SEZ6L: variants seen among roughly 807,000 people sequenced by gnomAD.
SEZ6L encodes seizure 6-like protein.
Under a neutral mutation model 106.2 loss-of-function variants are expected in SEZ6L, and 37 were observed. The ratio of observed to expected loss-of-function variants is 0.35; its 90% CI spans 0.27 to 0.46. The LOEUF (loss-of-function observed/expected upper bound fraction) is 0.46. Among genes scored for constraint, SEZ6L ranks in the 20% least tolerant of loss-of-function variants. The pLI, the probability that SEZ6L is intolerant of heterozygous loss-of-function variation, is 1.00. For missense variants in SEZ6L, 1,172 were observed against 1,332.8 expected, an observed-to-expected ratio of 0.88 and a Z score of 1.88; for synonymous variants, 541 against 570.4, an observed-to-expected ratio of 0.95 and a Z score of 0.73.
intron 1 of SEZ6L, among the ~76,000 whole-genome samples, chr22:26,230,583 G>C (rs2145744033): frequency 6.6e-6 from 1 of 152,324 alleles, no homozygotes; most frequent in South Asian, 2.1e-4. Context: ...TAGATAAACA[G>C]AAAGTGCTGC....
intron 1 of SEZ6L, among the ~76,000 whole-genome samples, chr22:26,290,980 G>A (rs548012275): frequency 6.6e-6 from 1 of 152,326 alleles, no homozygotes; most frequent in East Asian, 1.9e-4. Context: ...TACACTGTTG[G>A]TGGGAATGTA....
intron 1 of SEZ6L, among the ~76,000 whole-genome samples, chr22:26,269,253 T>C (rs1423417005): frequency 6.6e-6 from 1 of 152,196 alleles, no homozygotes; most frequent in Admixed American, 6.5e-5. Flanking sequence ...TGCTCCCACC[T>C]ACATCAGTGG....
chr22:26,233,121 C>T (rs993704142), intron 1 of SEZ6L, among the ~76,000 whole-genome samples: 1 of 152,258 alleles, frequency 6.6e-6, no homozygotes, highest in African/African-American at 2.4e-5. Context: ...TTTTCTCTCA[C>T]AGCAATCGTC....
chr22:26,191,511 C>T (rs1731248354), intron 1 of SEZ6L, among the ~76,000 whole-genome samples: 1 of 149,526 alleles, frequency 6.7e-6, no homozygotes, highest in Admixed American at 6.7e-5. Flanking sequence ...TGCATGCTCT[C>T]ACTTGTAAGT....
At chr22:26,233,670 C>T (rs78885674) in intron 1 of SEZ6L, among the ~76,000 whole-genome samples, 23,173 of 152,186 alleles carry the variant, frequency 0.15, 1,983 homozygotes, top group Middle Eastern at 0.21. Context: ...TTATTGAGCA[C>T]GTACTACATG....
At chr22:26,177,097 G>A (rs1356418571) in intron 1 of SEZ6L, among the ~76,000 whole-genome samples, 1 of 152,112 alleles carries the variant, frequency 6.6e-6, no homozygotes, top group Non-Finnish European at 1.5e-5. Context: ...CTTAATCTTA[G>A]TTTTGGGGAG....
chr22:26,299,371 A>T lies in SEZ6L; in HGVS notation c.1348+202A>T, dbSNP rs116442470. ...TGAAATTTACCATTGGAGACATTTT[A>T]GTATGTTCACGCTATTGTGCAACCA... On this transcript the variant is annotated intron_variant, in intron 5 of 16. Coordinates refer to ENST00000248933, the MANE Select transcript of SEZ6L (RefSeq NM_021115.5). Among the ~76,000 whole-genome samples, 621 of 152,336 alleles carry T rather than the reference A, an allele frequency of 4.1e-3. 3 individuals are homozygous for T. The highest frequency in any genetic ancestry group is 0.014 in the African/African-American group (595 of 41,584).
chr22:26,250,254 A>G (rs1282212883), intron 1 of SEZ6L, among the ~76,000 whole-genome samples: 4 of 152,086 alleles, frequency 2.6e-5, no homozygotes, highest in Admixed American at 1.3e-4. Context: ...CCAATGAACC[A>G]AGATGTTTCC....
At chr22:26,269,078 A>C (rs1337573859) in intron 1 of SEZ6L, among the ~76,000 whole-genome samples, 1 of 152,208 alleles carries the variant, frequency 6.6e-6, no homozygotes, top group East Asian at 1.9e-4. Flanking sequence ...TAAAAGTCAC[A>C]TGATTAACTG....
intron 1 of SEZ6L, among the ~76,000 whole-genome samples, chr22:26,181,368 G>A (rs942883755): frequency 1.3e-5 from 2 of 152,186 alleles, no homozygotes; most frequent in African/African-American, 2.4e-5. Flanking sequence ...GTTTAACAGA[G>A]TGGAAAGCTA....
chr22:26,279,274 C>T, intron 1 of SEZ6L, among the ~76,000 whole-genome samples: 1 of 152,150 alleles, frequency 6.6e-6, no homozygotes, highest in Non-Finnish European at 1.5e-5. Flanking sequence ...TTCTTTGTCT[C>T]TCCTCCCACG....
chr22:26,320,906 A>C (rs188507722), intron 9 of SEZ6L, among the ~76,000 whole-genome samples: 3 of 152,282 alleles, frequency 2.0e-5, no homozygotes, highest in Admixed American at 2.0e-4. Context: ...TGCATCCTAC[A>C]ATGCACAGGA....
chr22:26,306,590 AAGG>A (rs1386099454), intron 6 of SEZ6L, among the ~76,000 whole-genome samples: 1 of 152,208 alleles, frequency 6.6e-6, no homozygotes, highest in African/African-American at 2.4e-5. Flanking sequence ...TGAAAGAATG[AAGG>A]AGAAGTTACC....
intron 10 of SEZ6L, among the ~76,000 whole-genome samples, chr22:26,342,264 G>T (rs2082860144): frequency 6.6e-6 from 1 of 152,142 alleles, no homozygotes; most frequent in South Asian, 2.1e-4. Context: ...CTGGCATCTT[G>T]ATTTCCAGGA....
intron 1 of SEZ6L, among the ~76,000 whole-genome samples, chr22:26,274,546 A>T (rs2080478463): frequency 6.6e-6 from 1 of 152,106 alleles, no homozygotes; most frequent in Non-Finnish European, 1.5e-5. Context: ...TTTACTTATT[A>T]TTAGGGTTCA....
At chr22:26,170,927 T>A (rs1238408649) in intron 1 of SEZ6L, among the ~76,000 whole-genome samples, 1 of 152,186 alleles carries the variant, frequency 6.6e-6, no homozygotes, top group Non-Finnish European at 1.5e-5. Flanking sequence ...GGACAGGCGG[T>A]GTTCTTCTCC....
chr22:26,360,780 G>T (rs1317252105), intron 12 of SEZ6L, among the ~76,000 whole-genome samples: 1 of 151,996 alleles, frequency 6.6e-6, no homozygotes, highest in Non-Finnish European at 1.5e-5. Context: ...TTCCCCATTC[G>T]ACTGAGTTTT....
At chr22:26,266,552 A>G (rs1028126975) in intron 1 of SEZ6L, among the ~76,000 whole-genome samples, 4 of 151,590 alleles carry the variant, frequency 2.6e-5, no homozygotes, top group Admixed American at 1.3e-4. Context: ...CCGCCTGGGC[A>G]AAAGAGCGAG....
At chr22:26,264,588 C>T (rs1442244823) in intron 1 of SEZ6L, among the ~76,000 whole-genome samples, 1 of 152,178 alleles carries the variant, frequency 6.6e-6, no homozygotes, top group Non-Finnish European at 1.5e-5. Flanking sequence ...TTTGCCAGGG[C>T]TGGCAAACTT....
Sources: gnomAD v4.1 joint callset for allele counts (sites outside exome capture counted in the v4.1 genomes callset) on GRCh38, gnomAD v4.1.1 for gene constraint, MANE v1.5 for transcripts, NCBI Gene and HGNC (gene_info 2026-07-23, HGNC 2026-07-21) for gene names.